The following ERICH1 variants were observed in gnomAD, a reference collection of about 807,000 sequenced individuals.
ERICH1 encodes the protein glutamate rich 1, also known as glutamate-rich protein 1.
A neutral mutation model predicts 39.6 loss-of-function variants in ERICH1; 56 were observed. The ratio of observed to expected loss-of-function variants is 1.41; its 90% CI spans 1.14 to 1.77. The LOEUF (loss-of-function observed/expected upper bound fraction) is 1.77. ERICH1 is among the 40% of genes most tolerant of loss of function. The pLI, the probability that ERICH1 is intolerant of heterozygous loss-of-function variation, is 0.00. For synonymous variants in ERICH1, 313 were observed against 223.6 expected, an observed-to-expected ratio of 1.40 and a Z score of -3.57; for missense variants, 826 against 575.4, an observed-to-expected ratio of 1.44 and a Z score of -4.45.
chr8:701,387 G>A (rs974405659), intron 2 of ERICH1, among the ~76,000 whole-genome samples: 1 of 152,188 alleles, frequency 6.6e-6, no homozygotes, highest in Non-Finnish European at 1.5e-5. Context: ...CCATACCTAC[G>A]GGTCTGCCCC....
intron 3 of ERICH1, among the ~76,000 whole-genome samples, chr8:687,873 G>A (rs1319185207): frequency 6.6e-6 from 1 of 152,110 alleles, no homozygotes; most frequent in Admixed American, 6.5e-5. Context: ...CGGAGCGCGC[G>A]GAACCGGCGC....
At chr8:699,802 CGCGCACAGATCCGCACAA>C (rs1159266881) in intron 2 of ERICH1, among the ~76,000 whole-genome samples, 712 of 52,422 alleles carry the variant, frequency 0.014, 19 homozygotes, top group African/African-American at 0.03. Flanking sequence ...GACCCGCACA[CGCGCACAGATCCGCACAA>C]GCGCACAGAC....
Position 673,887 on chromosome 8 carries a change from G to C in ERICH1, c.465C>G (p.Thr155=). ...TCCTTTTTTTATTTTTGCTTATTGT[G>C]GTGCCATCTGTGTGCTGTCGCTGAG... ...EKSQRQHTDG[T]TISKNKKRKL... Residue 155 remains threonine (T), a synonymous_variant, in exon 4 of 6, where the codon ACC becomes ACG. Transcript: ENST00000262109. 6.2e-7 allele frequency: 1 copy of C among 1,613,446 alleles called. No homozygotes were observed. Among genetic ancestry groups the C allele is most frequent in the Non-Finnish European group, 8.5e-7 (1 of 1,179,986 alleles).
intron 2 of ERICH1, among the ~76,000 whole-genome samples, chr8:707,751 T>G (rs1813644470): frequency 6.6e-6 from 1 of 152,184 alleles, no homozygotes; most frequent in Admixed American, 6.5e-5. Context: ...ATGTCTTAAA[T>G]ATGATATAAA....
chr8:691,396 T>A (rs977996047), intron 3 of ERICH1, among the ~76,000 whole-genome samples: 3 of 152,254 alleles, frequency 2.0e-5, no homozygotes, highest in Non-Finnish European at 4.4e-5. Flanking sequence ...CAAGCGAGCC[T>A]TCTACCCTGG....
intron 3 of ERICH1, among the ~76,000 whole-genome samples, chr8:631,581 A>G (rs542243823): frequency 8.5e-5 from 13 of 152,286 alleles, no homozygotes; most frequent in Admixed American, 1.3e-4. Flanking sequence ...TCCTCCCACA[A>G]TAGACACTGC....
chr8:642,032 C>T (rs1423947451), intron 3 of ERICH1, among the ~76,000 whole-genome samples: 1 of 152,242 alleles, frequency 6.6e-6, no homozygotes, highest in African/African-American at 2.4e-5. Context: ...AATGGCCTGC[C>T]AGGCGGCCTG....
At chr8:650,324 A>G (rs1799788724) in intron 3 of ERICH1, among the ~76,000 whole-genome samples, 1 of 152,216 alleles carries the variant, frequency 6.6e-6, no homozygotes, top group Admixed American at 6.5e-5. Context: ...AACTTTAGTG[A>G]CACGGTCTCA....
chr8:630,540 CCACA>C (rs1167123499), intron 3 of ERICH1, among the ~76,000 whole-genome samples: 1 of 110,372 alleles, frequency 9.1e-6, no homozygotes, highest in Non-Finnish European at 1.8e-5. Flanking sequence ...CCGTGAGCAC[CCACA>C]CAGAGCTGAC....
intron 2 of ERICH1, among the ~76,000 whole-genome samples, chr8:694,166 TTCA>T (rs1212531587): frequency 6.6e-6 from 1 of 152,210 alleles, no homozygotes; most frequent in African/African-American, 2.4e-5. Flanking sequence ...TTGAAGCCTT[TTCA>T]GGTTCCACTG....
intron 2 of ERICH1, among the ~76,000 whole-genome samples, chr8:705,488 A>T (rs1374379933): frequency 1.3e-4 from 20 of 151,798 alleles, no homozygotes; most frequent in Admixed American, 3.9e-4. Context: ...GTTCATGATT[A>T]AAAAAAAATC....
chr8:621,261 C>T (rs1243254360), intron 3 of ERICH1, among the ~76,000 whole-genome samples: 2 of 152,076 alleles, frequency 1.3e-5, no homozygotes. Flanking sequence ...TTATAGACTG[C>T]AGCTAAAGCA....
intron 3 of ERICH1, among the ~76,000 whole-genome samples, chr8:657,590 T>C (rs534076917): frequency 5.3e-5 from 8 of 150,618 alleles, no homozygotes; most frequent in Non-Finnish European, 1.2e-4. Flanking sequence ...TGATGGTAAA[T>C]CTAGTATGGG....
intron 3 of ERICH1, among the ~76,000 whole-genome samples, chr8:628,321 C>G (rs1797717935): frequency 1.3e-5 from 2 of 152,242 alleles, no homozygotes; most frequent in South Asian, 4.1e-4. Context: ...CAACTGTCTG[C>G]TGTGGAAATA....
intron 3 of ERICH1, among the ~76,000 whole-genome samples, chr8:678,142 T>A (rs540487179): frequency 1.1e-3 from 165 of 152,180 alleles, no homozygotes; most frequent in African/African-American, 3.9e-3. Flanking sequence ...AAGGAAAAGT[T>A]AATATACATT....
At chr8:706,480 A>G (rs1440835606) in intron 2 of ERICH1, among the ~76,000 whole-genome samples, 1 of 152,180 alleles carries the variant, frequency 6.6e-6, no homozygotes, top group Non-Finnish European at 1.5e-5. Context: ...GGAAAAATAT[A>G]AAAAAAGATA....
chr8:690,584 G>C (rs1227069820), intron 3 of ERICH1, among the ~76,000 whole-genome samples: 1 of 152,260 alleles, frequency 6.6e-6, no homozygotes, highest in Non-Finnish European at 1.5e-5. Flanking sequence ...CGGGCAGCCA[G>C]GAGGGGCCAG....
intron 3 of ERICH1, among the ~76,000 whole-genome samples, chr8:624,700 C>CT (rs201536550): frequency 1.3e-4 from 20 of 148,984 alleles, no homozygotes; most frequent in Non-Finnish European, 2.4e-4. Flanking sequence ...GCGCTACACA[C>CT]TTTTTTTTTT....
At chr8:720,599 A>G (rs1050266415) in intron 1 of ERICH1, among the ~76,000 whole-genome samples, 2 of 152,214 alleles carry the variant, frequency 1.3e-5, no homozygotes, top group Admixed American at 1.3e-4. Flanking sequence ...GTGCTAATTC[A>G]CGACGGTCAA....
Sources: allele counts gnomAD v4.1 joint callset (sites outside exome capture counted in the v4.1 genomes callset), GRCh38; gene constraint gnomAD v4.1.1; transcripts MANE v1.5; gene names NCBI Gene and HGNC (gene_info 2026-07-23, HGNC 2026-07-21).